The following RBFOX1 variants were observed in gnomAD, a reference collection of about 807,000 sequenced individuals.
RBFOX1 encodes RNA binding fox-1 homolog 1, also known as RNA binding protein fox-1 homolog 1.
Under a neutral mutation model 57.7 loss-of-function variants are expected in RBFOX1, and 8 were observed. The ratio of observed to expected loss-of-function variants is 0.14; its 90% CI spans 0.08 to 0.25. The LOEUF (loss-of-function observed/expected upper bound fraction) is 0.25, where lower values mean the gene tolerates loss of function less well. Among genes scored for constraint, RBFOX1 ranks in the 10% least tolerant of loss-of-function variants. The probability of loss-of-function intolerance (pLI) is 1.00; values close to 1 mark genes in which losing one functional copy is unlikely to be tolerated. For missense variants in RBFOX1, 611 were observed against 548.5 expected (o/e 1.11, Z -1.14); for synonymous variants, 326 against 222.4 (o/e 1.47, Z -4.15).
chr16:7,070,492 A>G (rs1348849896), intron 4 of RBFOX1, among the ~76,000 whole-genome samples: 2 of 152,156 alleles, frequency 1.3e-5, no homozygotes, highest in African/African-American at 4.8e-5. Flanking sequence ...TATATTCTTA[A>G]TCTTGATTGC....
intron 2 of RBFOX1, among the ~76,000 whole-genome samples, chr16:5,512,278 G>A (rs1276137209): frequency 6.6e-6 from 1 of 152,168 alleles, no homozygotes; most frequent in Non-Finnish European, 1.5e-5. Context: ...AGGCACTGGA[G>A]GTGGCCAATT....
chr16:6,690,528 GCAAA>G lies in RBFOX1; in HGVS notation c.-16+35883_-16+35886del, dbSNP rs150921637. Reference sequence around the variant, plus strand: ...TAAAAAAATAGTATATAAGTAAAAGGCAAACAAAACCTCAAAGATCATCGTTTCA... The same window carrying G: ...TAAAAAAATAGTATATAAGTAAAAGGCAAAACCTCAAAGATCATCGTTTCA... On this transcript the variant is annotated intron_variant, in intron 3 of 15. Transcript: ENST00000550418. Among the ~76,000 whole-genome samples, 552 of 148,586 alleles carry G rather than the reference GCAAA, an allele frequency of 3.7e-3. 6 individuals are homozygous for G. The highest frequency in any genetic ancestry group is 0.013 in the African/African-American group (516 of 40,414).
At chr16:7,143,069 A>T (rs899497248) in intron 4 of RBFOX1, among the ~76,000 whole-genome samples, 1 of 152,066 alleles carries the variant, frequency 6.6e-6, no homozygotes, top group Non-Finnish European at 1.5e-5. Context: ...AGTGTCCTTC[A>T]TATTTTTTCC....
chr16:7,182,010 C>T (rs1392624447), intron 4 of RBFOX1, among the ~76,000 whole-genome samples: 1 of 152,174 alleles, frequency 6.6e-6, no homozygotes, highest in East Asian at 1.9e-4. Flanking sequence ...ACTGATTCCA[C>T]CAATCTAATA....
At chr16:7,531,299 C>G (rs917293778) in intron 5 of RBFOX1, among the ~76,000 whole-genome samples, 1 of 152,084 alleles carries the variant, frequency 6.6e-6, no homozygotes, top group African/African-American at 2.4e-5. Context: ...GAGGAAGCAG[C>G]GATCATTTAT....
rs1231285083 is a variant in RBFOX1 at position 6,656,882 on chromosome 16, CCTCTCCTCTCCTCCCCTCAA to C, written c.-16+2251_-16+2270del. Among the ~76,000 whole-genome samples, 92 of 148,586 alleles carry C rather than the reference CCTCTCCTCTCCTCCCCTCAA, an allele frequency of 6.2e-4. 4 individuals carry two copies. The highest frequency in any genetic ancestry group is 2.3e-3 in the African/African-American group (90 of 39,902). On this transcript the variant is annotated intron_variant, in intron 3 of 15. Coordinates refer to ENST00000550418, the MANE Select transcript of RBFOX1 (RefSeq NM_018723.4). ...GTCTTTTAAACAAGGTAACTCCTCT[CCTCTCCTCTCCTCCCCTCAA>C]CTCTCCTCTCCTCCCCTCTCCTCTC... is the stretch of plus-strand genomic sequence containing the variant.
intron 1 of RBFOX1, among the ~76,000 whole-genome samples, chr16:6,196,072 T>G (rs567633289): frequency 6.6e-6 from 1 of 152,340 alleles, no homozygotes; most frequent in African/African-American, 2.4e-5. Flanking sequence ...CACAGTATGC[T>G]TACTATGGGC....
At chr16:7,642,426 G>C (rs2062987153) in intron 11 of RBFOX1, among the ~76,000 whole-genome samples, 2 of 152,128 alleles carry the variant, frequency 1.3e-5, no homozygotes, top group African/African-American at 4.8e-5. Context: ...CAATGCATGT[G>C]CGTCGCGTAC....
rs998572396 is a variant in RBFOX1, at chr16:6,563,533, T to G, written c.-63-91070T>G. Among the ~76,000 whole-genome samples the G allele has an allele frequency of 3.3e-5, 5 of 152,172 alleles. No individual in the cohort carries two copies. In the South Asian group the frequency reaches 6.2e-4, roughly 19 times the overall value. On this transcript the variant is annotated intron_variant, in intron 2 of 15. Coordinates refer to ENST00000550418, the MANE Select transcript of RBFOX1 (RefSeq NM_018723.4). The stretch of plus-strand genomic sequence containing the variant: ...TTGTCTCCCAAGGAAAATACTATGG[T>G]CAGGAGTTGGGTAAGCCGATAAAAA...
At chr16:6,090,354 C>T (rs977025950) in intron 1 of RBFOX1, among the ~76,000 whole-genome samples, 13 of 152,186 alleles carry the variant, frequency 8.5e-5, no homozygotes, top group African/African-American at 3.1e-4. Flanking sequence ...GGTATCATGA[C>T]ATGCACATCT....
intron 1 of RBFOX1, among the ~76,000 whole-genome samples, chr16:5,455,124 C>G (rs1163334167): frequency 1.3e-5 from 2 of 151,052 alleles, no homozygotes; most frequent in Non-Finnish European, 2.9e-5. Flanking sequence ...AGTACCTTGA[C>G]TGATATAACA....
intron 3 of RBFOX1, among the ~76,000 whole-genome samples, chr16:5,782,258 G>A (rs1344962907): frequency 1.3e-5 from 2 of 152,122 alleles, no homozygotes; most frequent in Non-Finnish European, 2.9e-5. Flanking sequence ...CCAAGATCAG[G>A]GTGTCAGCAC....
chr16:6,286,259 T>C (rs1324010755), intron 1 of RBFOX1, among the ~76,000 whole-genome samples: 1 of 152,184 alleles, frequency 6.6e-6, no homozygotes, highest in Non-Finnish European at 1.5e-5. Flanking sequence ...ATGCCAAGTC[T>C]CCATGTGTCT....
chr16:6,937,894 A>G lies in RBFOX1; in HGVS notation c.-15-114163A>G, dbSNP rs559775043. On this transcript the variant is annotated intron_variant, in intron 3 of 15. Transcript: ENST00000550418. ...GAATTCCAAAAGGGAGATGGGTATCATGAGGCATTCCTATCATGGTCTGAA... is the reference window on the plus strand; with the variant it reads ...GAATTCCAAAAGGGAGATGGGTATCGTGAGGCATTCCTATCATGGTCTGAA... Among the ~76,000 whole-genome samples, 12 of 143,846 alleles carry G rather than the reference A, an allele frequency of 8.3e-5. No homozygotes were observed. The South Asian group carries it at 1.1e-3, about 13-fold the overall frequency. 94.4% of individuals were successfully genotyped at this position (143,846 alleles called of 152,430 possible).
At chr16:6,919,706 T>C (rs968065316) in intron 3 of RBFOX1, among the ~76,000 whole-genome samples, 9 of 152,058 alleles carry the variant, frequency 5.9e-5, no homozygotes, top group Admixed American at 2.6e-4. Flanking sequence ...AGCACTGATA[T>C]ATTGTATGTT....
At position 6,992,642 on chromosome 16, in the gene RBFOX1, A is replaced by G. The variant is rs976120459; in HGVS notation, c.-15-59415A>G. 7.9e-5 allele frequency among the ~76,000 whole-genome samples: 12 copies of G among 152,146 alleles called. 1 individual carries two copies. Among genetic ancestry groups the G allele is most frequent in the African/African-American group, 2.2e-4 (9 of 41,444 alleles). On this transcript the variant is annotated intron_variant, in intron 3 of 15. Transcript: ENST00000550418. ...AAACTAGGTAAGAAGGCAGTTAAGG[A>G]TAAAAGTTACACAACTTCAACCATA...
chr16:6,652,976 T>A (rs935946060), intron 2 of RBFOX1, among the ~76,000 whole-genome samples: 9 of 152,106 alleles, frequency 5.9e-5, no homozygotes, highest in African/African-American at 2.2e-4. Flanking sequence ...AAAGTAAACA[T>A]CTCCCTGTGA....
chr16:6,103,725 C>T (rs540483939), intron 1 of RBFOX1, among the ~76,000 whole-genome samples: 1 of 152,226 alleles, frequency 6.6e-6, no homozygotes, highest in South Asian at 2.1e-4. Context: ...AGTGGACATT[C>T]CTCACTTCCA....
intron 2 of RBFOX1, among the ~76,000 whole-genome samples, chr16:6,470,984 C>T (rs2095161445): frequency 6.6e-6 from 1 of 152,150 alleles, no homozygotes. Flanking sequence ...TTCCTGCTTC[C>T]AGTGTTCCTT....
Sources: allele counts gnomAD v4.1 joint callset (sites outside exome capture counted in the v4.1 genomes callset), GRCh38; gene constraint gnomAD v4.1.1; transcripts MANE v1.5; gene names NCBI Gene and HGNC (gene_info 2026-07-23, HGNC 2026-07-21).